Variants in NFXL1 observed in about 807,000 individuals in gnomAD.
NFXL1 encodes nuclear transcription factor, X-box binding like 1, also known as NF-X1-type zinc finger protein NFXL1.
NFXL1 carries 66 observed loss-of-function variants against 123.3 expected under a neutral mutation model. The ratio of observed to expected loss-of-function variants is 0.54; its 90% CI spans 0.44 to 0.66. NFXL1 has a LOEUF of 0.66. Among genes scored for constraint, NFXL1 ranks in the 30% least tolerant of loss-of-function variants. The probability of loss-of-function intolerance (pLI) is 0.00; values close to 1 mark genes in which losing one functional copy is unlikely to be tolerated. For missense variants in NFXL1, 944 were observed against 1,125.6 expected, an observed-to-expected ratio of 0.84 and a Z score of 2.31; for synonymous variants, 346 against 360.8, an observed-to-expected ratio of 0.96 and a Z score of 0.46.
intron 9 of NFXL1, 48 bp downstream of exon 9, chr4:47,897,919 G>A (rs1578035047): frequency 1.7e-6 from 2 of 1,196,954 alleles, no homozygotes; most frequent in East Asian, 4.9e-5. Flanking sequence ...TCTTTTCATG[G>A]CTTGACAGAT....
chr4:47,873,035 C>T (rs182642240), intron 18 of NFXL1, among the ~76,000 whole-genome samples: 72 of 152,338 alleles, frequency 4.7e-4, no homozygotes, highest in African/African-American at 1.6e-3. Context: ...GCTGTCATTT[C>T]AGCAATGTTC....
rs1261071342 is a variant in NFXL1, at chr4:47,884,424, C to T, written c.1838G>A (p.Gly613Asp). Residue 613 changes from glycine to aspartate, a missense_variant, in exon 15 of 23, where the codon GGC becomes GAC. This residue lies in a region of NFXL1 where 44 missense variants were observed against 90.4 expected (regional missense o/e 0.49). Transcript: ENST00000507489. ...IKQTGRHQPT[G>D]PWEQPSEPAF... Reference sequence around the variant, plus strand: ...TGGCTCAGAAGGCTGTTCCCAAGGGCCTGTAGGCTGGTGCTACAAATAAAA... The same window carrying T: ...TGGCTCAGAAGGCTGTTCCCAAGGGTCTGTAGGCTGGTGCTACAAATAAAA... The T allele has an allele frequency of 6.2e-7, 1 of 1,605,068 alleles. No individual in the cohort carries two copies. Among genetic ancestry groups the T allele is most frequent in the South Asian group, 1.1e-5 (1 of 90,262 alleles).
At chr4:47,867,765 C>T (rs1201736840) in intron 18 of NFXL1, among the ~76,000 whole-genome samples, 2 of 152,006 alleles carry the variant, frequency 1.3e-5, no homozygotes, top group Non-Finnish European at 2.9e-5. Context: ...AAAATATAAA[C>T]GAAAGCAGCA....
At chr4:47,884,052 T>C (rs889385764) in intron 15 of NFXL1, among the ~76,000 whole-genome samples, 1 of 152,240 alleles carries the variant, frequency 6.6e-6, no homozygotes, top group Non-Finnish European at 1.5e-5. Flanking sequence ...TAACAAATGA[T>C]GTTCCTTGGA....
chr4:47,902,109 C>A (rs2110102412), intron 5 of NFXL1, among the ~76,000 whole-genome samples: 2 of 152,076 alleles, frequency 1.3e-5, no homozygotes, highest in Middle Eastern at 6.8e-3. Context: ...TTGAACCCGA[C>A]AAGCAGTGGC....
rs540998303 is a variant in NFXL1, at chr4:47,891,877, C to T, written c.1453-1174G>A. ...GCTTGAACATGGGAGGCAGAGGTTGCAGTGAGCCGAGATCACACCACTGCA... is the reference window on the plus strand; with the variant it reads ...GCTTGAACATGGGAGGCAGAGGTTGTAGTGAGCCGAGATCACACCACTGCA... On this transcript the variant is annotated intron_variant, in intron 11 of 22. Transcript: ENST00000507489. 2.0e-5 allele frequency among the ~76,000 whole-genome samples: 3 copies of T among 151,034 alleles called. No individual in the cohort carries two copies. The East Asian group carries it at 5.8e-4, about 29-fold the overall frequency.
In NFXL1 at chr4:47,896,531, A is replaced by G. The variant is rs771723668; in HGVS notation, c.1321T>C (p.Cys441Arg). The G allele has an allele frequency of 1.2e-6, 2 of 1,612,890 alleles. No homozygotes were observed. The highest frequency in any genetic ancestry group is 1.1e-5 in the South Asian group (1 of 91,044). The part of the protein sequence containing the change: ...QRCHRGPCET[C>R]RQEVEKHCRC... ...TACAGGAGATGACTAACTTGTCTAC[A>G]TGTTTCACAGGGACCTCGGTGACAA... Residue 441 changes from cysteine to arginine, a missense_variant, in exon 10 of 23, where the codon TGT becomes CGT. Around this residue, in one of 4 missense-constraint regions of NFXL1, gnomAD observed 296 missense variants for 395.1 expected, o/e 0.75. Coordinates refer to ENST00000507489, the MANE Select transcript of NFXL1 (RefSeq NM_001278624.2).
At chr4:47,870,094 G>A (rs1035069729) in intron 18 of NFXL1, among the ~76,000 whole-genome samples, 9 of 152,004 alleles carry the variant, frequency 5.9e-5, no homozygotes, top group Non-Finnish European at 1.0e-4. Context: ...TGGTTTCATA[G>A]AGGAATTCCA....
chr4:47,872,510 G>T (rs1183542672), intron 18 of NFXL1, among the ~76,000 whole-genome samples: 2 of 151,754 alleles, frequency 1.3e-5, no homozygotes, highest in African/African-American at 4.8e-5. Context: ...TCAACTACTG[G>T]CATAGCTCAG....
At chr4:47,907,819 T>C (rs1737630968) in intron 3 of NFXL1, among the ~76,000 whole-genome samples, 1 of 152,198 alleles carries the variant, frequency 6.6e-6, no homozygotes, top group Non-Finnish European at 1.5e-5. Context: ...AATGACTCTA[T>C]CTAGAATGGT....
intron 4 of NFXL1, 105 bp downstream of exon 4, chr4:47,905,132 T>C: frequency 2.0e-6 from 1 of 488,770 alleles, no homozygotes; most frequent in Admixed American, 3.3e-5. Flanking sequence ...AAATGAAGCA[T>C]TTTTAAACAT....
intron 17 of NFXL1, among the ~76,000 whole-genome samples, chr4:47,877,476 C>G (rs1007754285): frequency 6.6e-6 from 1 of 152,024 alleles, no homozygotes; most frequent in Admixed American, 6.6e-5. Flanking sequence ...TGAAAATAAG[C>G]TTTTTCTGAC....
At chr4:47,906,412 T>C (rs933006524) in intron 3 of NFXL1, among the ~76,000 whole-genome samples, 5 of 152,200 alleles carry the variant, frequency 3.3e-5, no homozygotes, top group African/African-American at 9.7e-5. Flanking sequence ...TGGCTAATTC[T>C]TTACTTTCTA....
At chr4:47,864,121 T>A (rs947067862) in intron 18 of NFXL1, among the ~76,000 whole-genome samples, 9 of 152,202 alleles carry the variant, frequency 5.9e-5, no homozygotes, top group Admixed American at 5.2e-4. Context: ...AACACTTGCA[T>A]TTTTAAGATT....
chr4:47,901,032 T>G (rs1222766254), intron 5 of NFXL1, among the ~76,000 whole-genome samples: 1 of 152,194 alleles, frequency 6.6e-6, no homozygotes, highest in East Asian at 1.9e-4. Context: ...TCAACATACC[T>G]TAACACTGCC....
intron 17 of NFXL1, among the ~76,000 whole-genome samples, chr4:47,877,667 T>C (rs1173645478): frequency 1.3e-5 from 2 of 152,048 alleles, no homozygotes; most frequent in African/African-American, 2.4e-5. Flanking sequence ...TTAAAAGCAA[T>C]ACATTTACAC....
chr4:47,877,246 CAAAAAAAAT>C, intron 17 of NFXL1: 4 of 433,550 alleles, frequency 9.2e-6, no homozygotes, highest in South Asian at 1.6e-5. Context: ...ATGGCAGAAA[CAAAAAAAAT>C]CACTGAATCT....
chr4:47,900,791 C>A (rs73145947), intron 5 of NFXL1, among the ~76,000 whole-genome samples: 1 of 152,094 alleles, frequency 6.6e-6, no homozygotes, highest in Non-Finnish European at 1.5e-5. Flanking sequence ...TTCATTGTCA[C>A]GAGAACATGT....
chr4:47,877,487 T>C (rs1417010193), intron 17 of NFXL1, among the ~76,000 whole-genome samples: 1 of 152,090 alleles, frequency 6.6e-6, no homozygotes, highest in African/African-American at 2.4e-5. Context: ...TTTTTCTGAC[T>C]CACTCCGTAT....
Sources: allele counts gnomAD v4.1 joint callset (sites outside exome capture counted in the v4.1 genomes callset), GRCh38; gene constraint gnomAD v4.1.1; regional missense constraint gnomAD v4.1.1; transcripts MANE v1.5; gene names NCBI Gene and HGNC (gene_info 2026-07-23, HGNC 2026-07-21).